The following METTL16 variants were observed in gnomAD, a reference collection of about 807,000 sequenced individuals.
The protein encoded by METTL16 is RNA N(6)-adenosine-methyltransferase METTL16.
A neutral mutation model predicts 57.9 loss-of-function variants in METTL16; 19 were observed. The observed-to-expected ratio is 0.33, with a 90% CI of 0.23 to 0.48. METTL16 has a LOEUF of 0.48. Among genes scored for constraint, METTL16 ranks in the 20% least tolerant of loss-of-function variants. The probability of loss-of-function intolerance (pLI) is 0.99; values close to 1 mark genes in which losing one functional copy is unlikely to be tolerated. For synonymous variants in METTL16, 246 were observed against 255.6 expected (o/e 0.96, Z 0.36); for missense variants, 434 against 691.5 (o/e 0.63, Z 4.18).
chr17:2,462,341 G>T (rs1413597422), intron 6 of METTL16, among the ~76,000 whole-genome samples: 28 of 152,182 alleles, frequency 1.8e-4, no homozygotes, highest in Admixed American at 1.8e-3. Context: ...GAATAGGAGG[G>T]ATTTAACGAG....
Position 2,457,408 on chromosome 17 carries a change from G to C in METTL16, c.728+6800C>G, listed in dbSNP as rs1195752830. 5.9e-5 allele frequency among the ~76,000 whole-genome samples: 8 copies of C among 136,258 alleles called. No individual in the cohort carries two copies. The East Asian group carries it at 1.9e-3, about 32-fold the overall frequency. The allele number at this position is 136,258 out of a possible 152,430, so 89.4% of individuals were successfully genotyped here. On this transcript the variant is annotated intron_variant, in intron 6 of 9. Coordinates refer to ENST00000263092, the MANE Select transcript of METTL16 (RefSeq NM_024086.4). ...CTACATGCTGCAACCTCCTAGAATA[G>C]TCAAGAGTTAAAAATCGGCCGGGCA...
Position 2,420,083 on chromosome 17 carries a change from C to T in METTL16, c.1576G>A (p.Val526Met). 1 of 1,614,240 alleles carries T rather than the reference C, an allele frequency of 6.2e-7. No individual in the cohort carries two copies. Among genetic ancestry groups the T allele is most frequent in the Non-Finnish European group, 8.5e-7 (1 of 1,180,048 alleles). ...FKCLINVKKE[V>M]DDALVEMHWV... is the part of the protein sequence containing the mutation. ...TGCATCTCCACTAAGGCATCGTCCA[C>T]CTCCTTCTTAACGTTTATCAAACAC... is the stretch of plus-strand genomic sequence containing the variant. The change falls in exon 10 of 10, where the codon GTG becomes ATG. Residue 526 changes from valine (V) to methionine (M), a missense_variant. Physicochemically the swap from Val to Met is conservative, Grantham distance 21 (BLOSUM62 1). This residue lies in a region of METTL16 where 26 missense variants were observed against 60.7 expected (regional missense o/e 0.43). Transcript: ENST00000263092. This position sits in a 1 kb window ranked among gnomAD's most constrained non-coding sequence, Gnocchi z 5.4.
At chr17:2,441,364 G>T in intron 7 of METTL16, 126 bp downstream of exon 7, 1 of 590,152 alleles carries the variant, frequency 1.7e-6, no homozygotes, top group Non-Finnish European at 2.7e-6. Flanking sequence ...GAATTGTTCC[G>T]GTGACAGTTA....
intron 2 of METTL16, among the ~76,000 whole-genome samples, chr17:2,492,864 C>G (rs2067409519): frequency 6.9e-6 from 1 of 145,616 alleles, no homozygotes; most frequent in Non-Finnish European, 1.5e-5. Flanking sequence ...CGCCACTGCA[C>G]TCCAGCCTGG....
intron 1 of METTL16, among the ~76,000 whole-genome samples, chr17:2,502,844 G>T (rs2067499646): frequency 6.6e-6 from 1 of 152,028 alleles, no homozygotes; most frequent in Admixed American, 6.6e-5. Context: ...TTAGTCATCA[G>T]GGAAATACAA....
chr17:2,417,602 T>C lies in METTL16; in HGVS notation c.*2368A>G, dbSNP rs1326174002. On this transcript the variant is annotated 3_prime_UTR_variant, in exon 10 of 10. Coordinates refer to ENST00000263092, the MANE Select transcript of METTL16 (RefSeq NM_024086.4). ...AAGCTAATACACTACTGTTACAACA[T>C]GGACAAATACTTGTAAGATGTTAAA... 3 of 152,192 alleles carry C rather than the reference T, an allele frequency of 2.0e-5. No homozygotes were observed. Among genetic ancestry groups the C allele is most frequent in the Non-Finnish European group, 4.4e-5 (3 of 68,032 alleles). The allele number at this position is 152,192 out of a possible 1,614,324, so 9.4% of individuals were successfully genotyped here.
At chr17:2,445,758 C>G (rs2066990412) in intron 6 of METTL16, among the ~76,000 whole-genome samples, 1 of 150,622 alleles carries the variant, frequency 6.6e-6, no homozygotes, top group South Asian at 2.1e-4. Flanking sequence ...TCCACTCCAG[C>G]CTGGGCAACA....
chr17:2,472,344 C>T (rs113337134), intron 4 of METTL16, among the ~76,000 whole-genome samples: 2 of 152,266 alleles, frequency 1.3e-5, no homozygotes, highest in African/African-American at 4.8e-5. Flanking sequence ...TCCATTGCTG[C>T]TGGGAGTGCA....
chr17:2,487,171 G>T (rs2067349571), intron 2 of METTL16, among the ~76,000 whole-genome samples: 1 of 152,142 alleles, frequency 6.6e-6, no homozygotes, highest in South Asian at 2.1e-4. Flanking sequence ...GTCTCCCAAG[G>T]TTCTAGCTTG....
chr17:2,453,006 T>C (rs771839570), intron 6 of METTL16, among the ~76,000 whole-genome samples: 1 of 152,072 alleles, frequency 6.6e-6, no homozygotes, highest in Non-Finnish European at 1.5e-5. Context: ...ATTACAGGCA[T>C]GTGCCACCAC....
intron 1 of METTL16, among the ~76,000 whole-genome samples, chr17:2,508,072 C>T (rs1335448798): frequency 6.6e-6 from 1 of 151,618 alleles, no homozygotes; most frequent in East Asian, 1.9e-4. Context: ...CCACTATTGT[C>T]CTGTGACCCT....
At chr17:2,461,832 G>A (rs2067152077) in intron 6 of METTL16, among the ~76,000 whole-genome samples, 4 of 152,162 alleles carry the variant, frequency 2.6e-5, no homozygotes, top group African/African-American at 7.2e-5. Context: ...ACCCGCTTTG[G>A]TCTCCCAGAG....
chr17:2,450,437 T>C (rs2067060238), intron 6 of METTL16, among the ~76,000 whole-genome samples: 1 of 152,178 alleles, frequency 6.6e-6, no homozygotes, highest in South Asian at 2.1e-4. Flanking sequence ...TACAGGAAGC[T>C]GGGAGCAGAG....
chr17:2,487,765 A>G (rs1200069703), intron 2 of METTL16, among the ~76,000 whole-genome samples: 1 of 152,150 alleles, frequency 6.6e-6, no homozygotes, highest in African/African-American at 2.4e-5. Context: ...GCACTGTGGG[A>G]GGCTGAGGCG....
intron 2 of METTL16, among the ~76,000 whole-genome samples, chr17:2,487,413 G>A (rs2151573455): frequency 6.6e-6 from 1 of 152,334 alleles, no homozygotes; most frequent in Middle Eastern, 3.4e-3. Context: ...AAAGAGAGCT[G>A]CGGCGCAAGC....
In METTL16 at chr17:2,430,660, C is replaced by T. The variant is rs148479051; in HGVS notation, c.888+7449G>A. On this transcript the variant is annotated intron_variant, in intron 8 of 9. Coordinates refer to ENST00000263092, the MANE Select transcript of METTL16 (RefSeq NM_024086.4). ...GTCTCGATCTCCTGACCTCGCGATCCGCCGGCCTTGGCCTCCTAAAGTGCT... is the reference window on the plus strand; with the variant it reads ...GTCTCGATCTCCTGACCTCGCGATCTGCCGGCCTTGGCCTCCTAAAGTGCT... Among the ~76,000 whole-genome samples, 647 of 152,124 alleles carry T rather than the reference C, an allele frequency of 4.3e-3. 6 individuals carry two copies. Among genetic ancestry groups the T allele is most frequent in the South Asian group, 0.015 (72 of 4,824 alleles).
intron 4 of METTL16, among the ~76,000 whole-genome samples, chr17:2,468,439 T>A (rs2067216209): frequency 6.6e-6 from 1 of 152,068 alleles, no homozygotes; most frequent in South Asian, 2.1e-4. Context: ...TGGAAGCAAA[T>A]CTCTACCACC....
chr17:2,485,058 G>A (rs2067331662), intron 2 of METTL16, among the ~76,000 whole-genome samples: 2 of 152,176 alleles, frequency 1.3e-5, no homozygotes, highest in South Asian at 2.1e-4. Flanking sequence ...CGCACAGCAG[G>A]AGGTGAGAGG....
chr17:2,428,431 T>C (rs1329877729), intron 8 of METTL16, among the ~76,000 whole-genome samples: 2 of 145,916 alleles, frequency 1.4e-5, no homozygotes, highest in Non-Finnish European at 3.0e-5. Flanking sequence ...GTGTAATGAA[T>C]TGAAAAATGT....
Sources: allele counts gnomAD v4.1 joint callset (sites outside exome capture counted in the v4.1 genomes callset), GRCh38; gene constraint gnomAD v4.1.1; regional missense constraint gnomAD v4.1.1; non-coding constraint Gnocchi (gnomAD v3.1); transcripts MANE v1.5; gene names NCBI Gene and HGNC (gene_info 2026-07-23, HGNC 2026-07-21).